Variants in RUBCN observed in about 807,000 individuals in gnomAD.
RUBCN encodes the protein run domain Beclin-1-interacting and cysteine-rich domain-containing protein.
A neutral mutation model predicts 113.2 loss-of-function variants in RUBCN; 74 were observed. The observed-to-expected ratio is 0.65, with a 90% CI of 0.54 to 0.79. The LOEUF (loss-of-function observed/expected upper bound fraction) is 0.79. Among genes scored for constraint, RUBCN ranks in the 30% least tolerant of loss-of-function variants. RUBCN has a pLI of 0.00. For synonymous variants in RUBCN, 480 were observed against 490.0 expected, an observed-to-expected ratio of 0.98 and a Z score of 0.27; for missense variants, 1,109 against 1,251.7, an observed-to-expected ratio of 0.89 and a Z score of 1.72.
intron 5 of RUBCN, 142 bp from the exon 6 acceptor site, chr3:197,702,006 C>A: frequency 1.3e-6 from 1 of 743,004 alleles, no homozygotes; most frequent in Non-Finnish European, 2.4e-6. Context: ...GTAGATACAG[C>A]AAGGCTACCT....
chr3:197,681,167 C>T lies in RUBCN; in HGVS notation c.2392G>A (p.Ala798Thr). 1 of 1,614,046 alleles carries T rather than the reference C, an allele frequency of 6.2e-7. No individual in the cohort carries two copies. Among genetic ancestry groups the T allele is most frequent in the Middle Eastern group, 1.7e-4 (1 of 6,060 alleles). Residue 798 changes from alanine (A) to threonine (T), a missense_variant, in exon 16 of 20, where the codon GCC becomes ACC. Physicochemically the swap from Ala to Thr is moderately conservative, Grantham distance 58. Transcript: ENST00000296343. This position sits in a 1 kb window ranked among gnomAD's most constrained non-coding sequence, Gnocchi z 5.5. ...AGCAGCTTGACCTTCCTATAGAGGGCACTGTTTATGTCCTGCACGTTGAAG... is the reference window on the plus strand; with the variant it reads ...AGCAGCTTGACCTTCCTATAGAGGGTACTGTTTATGTCCTGCACGTTGAAG... ...PLFNVQDINS[A>T]LYRKVKLLNQ...
intron 8 of RUBCN, 117 bp downstream of exon 8, chr3:197,696,837 T>C (rs1296564325): frequency 1.1e-5 from 8 of 708,140 alleles, no homozygotes; most frequent in African/African-American, 5.2e-5. Context: ...TGACTGAGAC[T>C]GTAACAGTGT....
At chr3:197,730,190 TC>T (rs1404287140) in intron 1 of RUBCN, among the ~76,000 whole-genome samples, 4 of 152,184 alleles carry the variant, frequency 2.6e-5, no homozygotes, top group African/African-American at 9.7e-5. Context: ...ACCCTGATTT[TC>T]CACTGAGGAA....
rs530492809 is a variant in RUBCN, at chr3:197,675,738, C to T, written c.2647-223G>A. Among the ~76,000 whole-genome samples the T allele has an allele frequency of 9.5e-4, 145 of 152,076 alleles. No individual in the cohort carries two copies. Among genetic ancestry groups the T allele is most frequent in the African/African-American group, 3.4e-3 (140 of 41,334 alleles). ...AGACAGGCACCAGCCGGAGAAGCTCCGACCCCCAGCGCGGCTCTCCATGAA... is the reference window on the plus strand; with the variant it reads ...AGACAGGCACCAGCCGGAGAAGCTCTGACCCCCAGCGCGGCTCTCCATGAA... On this transcript the variant is annotated intron_variant, in intron 18 of 19. Transcript: ENST00000296343. The surrounding 1 kb of genome is among the most constrained non-coding windows in gnomAD (Gnocchi z 4.4).
intron 2 of RUBCN, 60 bp downstream of exon 2, chr3:197,717,917 C>A: frequency 1.3e-6 from 2 of 1,599,562 alleles, no homozygotes; most frequent in Non-Finnish European, 8.6e-7. Flanking sequence ...CCTGCCAATG[C>A]GACTGTTTCT....
chr3:197,721,982 T>C (rs1007170002), intron 1 of RUBCN, among the ~76,000 whole-genome samples: 4 of 152,162 alleles, frequency 2.6e-5, no homozygotes, highest in Admixed American at 2.0e-4. Context: ...CTCATGCCTG[T>C]AATCCCAGCA....
chr3:197,735,737 G>A (rs1728049006), intron 1 of RUBCN, among the ~76,000 whole-genome samples: 2 of 152,058 alleles, frequency 1.3e-5, no homozygotes, highest in Non-Finnish European at 2.9e-5. Context: ...CACCACAGGT[G>A]AGCACCACCA....
chr3:197,734,306 T>C (rs555786898), intron 1 of RUBCN, among the ~76,000 whole-genome samples: 1 of 149,074 alleles, frequency 6.7e-6, no homozygotes, highest in South Asian at 2.1e-4. Flanking sequence ...TGGTCGCTCA[T>C]GCCTGTAACC....
At chr3:197,725,564 A>G (rs1315330975) in intron 1 of RUBCN, among the ~76,000 whole-genome samples, 1 of 108,656 alleles carries the variant, frequency 9.2e-6, no homozygotes, top group Non-Finnish European at 1.7e-5. Flanking sequence ...GAGTCTTACT[A>G]TGTTGCTGAG....
intron 2 of RUBCN, among the ~76,000 whole-genome samples, chr3:197,717,093 C>T (rs1725598527): frequency 6.6e-6 from 1 of 151,834 alleles, no homozygotes. Flanking sequence ...TGCATTCCAG[C>T]CTGGGTGACA....
chr3:197,681,823 G>C lies in RUBCN; in HGVS notation c.2191+12C>G, dbSNP rs777359960. The C allele has an allele frequency of 1.2e-6, 2 of 1,612,688 alleles. No homozygotes were observed. Among genetic ancestry groups the C allele is most frequent in the South Asian group, 1.1e-5 (1 of 91,050 alleles). On this transcript the variant is annotated intron_variant, in intron 15 of 19. Coordinates refer to ENST00000296343, the MANE Select transcript of RUBCN (RefSeq NM_014687.4). The surrounding 1 kb of genome is among the most constrained non-coding windows in gnomAD (Gnocchi z 5.5). ...CTCTGGAGGCAGCATGGTGGGAAGG[G>C]AAGGCACTCACCAGGGTCAGTCCGG...
chr3:197,699,212 G>A (rs571858949), intron 7 of RUBCN: 1 of 1,550,166 alleles, frequency 6.5e-7, no homozygotes, highest in East Asian at 2.4e-5. Flanking sequence ...CAACTATAAT[G>A]GTGATATTCC....
chr3:197,704,778 C>G (rs78086828), intron 3 of RUBCN, 77 bp from the exon 4 acceptor site: 3 of 1,432,156 alleles, frequency 2.1e-6, no homozygotes, highest in African/African-American at 2.8e-5. Context: ...GACCTGAGAA[C>G]TAAATTGAGA....
chr3:197,680,294 T>TCTAA (rs1372500262), intron 16 of RUBCN, among the ~76,000 whole-genome samples: 2 of 128,460 alleles, frequency 1.6e-5, no homozygotes, highest in Non-Finnish European at 1.7e-5. Flanking sequence ...TGTCCTACGC[T>TCTAA]CTGACAACTG....
chr3:197,703,012 A>T (rs1276535335), intron 5 of RUBCN, among the ~76,000 whole-genome samples: 2 of 151,228 alleles, frequency 1.3e-5, no homozygotes, highest in Admixed American at 6.6e-5. Flanking sequence ...CTACCTCCCC[A>T]CTCCCCAGCT....
intron 10 of RUBCN, 49 bp downstream of exon 10, chr3:197,694,326 C>T (rs1580223231): frequency 6.4e-7 from 1 of 1,552,740 alleles, no homozygotes; most frequent in East Asian, 2.2e-5. Flanking sequence ...AGGCCTTATG[C>T]TGAAGTTGGG....
rs1287981838 is a variant in RUBCN, at chr3:197,672,734, C to G, written c.*2284G>C. The stretch of plus-strand genomic sequence containing the variant: ...TTGAGACGGAGTCTCACTCTGTCAC[C>G]CAGGCTGGAGTGCGGTGGCGCAATC... On this transcript the variant is annotated 3_prime_UTR_variant, in exon 20 of 20. Coordinates refer to ENST00000296343, the MANE Select transcript of RUBCN (RefSeq NM_014687.4). 6.6e-6 allele frequency: 1 copy of G among 152,402 alleles called. No individual in the cohort carries two copies. Among genetic ancestry groups the G allele is most frequent in the Admixed American group, 6.5e-5 (1 of 15,286 alleles). The allele number at this position is 152,402 out of a possible 1,614,324, so 9.4% of individuals were successfully genotyped here.
intron 2 of RUBCN, among the ~76,000 whole-genome samples, chr3:197,707,335 A>G (rs1333783116): frequency 1.3e-5 from 2 of 152,176 alleles, no homozygotes; most frequent in African/African-American, 4.8e-5. Context: ...CCGGTCTCAA[A>G]AAAAAAGAAA....
intron 5 of RUBCN, among the ~76,000 whole-genome samples, chr3:197,702,095 C>T (rs1385004580): frequency 6.6e-6 from 1 of 152,184 alleles, no homozygotes; most frequent in Admixed American, 6.5e-5. Context: ...ACCAGGAGTA[C>T]TTTATTACAG....
Sources: allele counts gnomAD v4.1 joint callset (sites outside exome capture counted in the v4.1 genomes callset), GRCh38; gene constraint gnomAD v4.1.1; non-coding constraint Gnocchi (gnomAD v3.1); transcripts MANE v1.5; gene names NCBI Gene and HGNC (gene_info 2026-07-23, HGNC 2026-07-21).